Variants in SRL observed in about 807,000 individuals in gnomAD.
The protein encoded by SRL is sarcalumenin.
SRL carries 23 observed loss-of-function variants against 39.5 expected under a neutral mutation model. That is an observed-to-expected ratio of 0.58 (90% confidence interval 0.42 to 0.82). The LOEUF is 0.82. Ranked by LOEUF, SRL falls within the 40% of genes least tolerant of loss-of-function variation. The pLI is 0.00. For missense variants in SRL, 592 were observed against 607.8 expected (o/e 0.97, Z 0.27); for synonymous variants, 272 against 237.4 (o/e 1.15, Z -1.34).
chr16:4,207,821 G>T (rs745609727), intron 1 of SRL: 1 of 456,388 alleles, frequency 2.2e-6, no homozygotes, highest in Non-Finnish European at 4.4e-6. Flanking sequence ...GCCCCGCAGC[G>T]TCCCTGTCGT....
chr16:4,232,914 G>T (rs1003867311), intron 1 of SRL, among the ~76,000 whole-genome samples: 1 of 152,180 alleles, frequency 6.6e-6, no homozygotes, highest in Admixed American at 6.5e-5. Flanking sequence ...ATCCAGTGGT[G>T]GGGGGAGGCG....
intron 1 of SRL, chr16:4,208,227 C>T (rs1180928374): frequency 1.4e-5 from 5 of 357,892 alleles, no homozygotes; most frequent in Non-Finnish European, 2.7e-5. Context: ...TGCAGTGTTA[C>T]GCCCACCAAC....
chr16:4,220,306 C>CACAA (rs1217341795), intron 1 of SRL, among the ~76,000 whole-genome samples: 1 of 151,418 alleles, frequency 6.6e-6, no homozygotes. Context: ...CACACACACA[C>CACAA]ACAAATAACC....
chr16:4,217,752 C>T (rs1451105951), intron 1 of SRL, among the ~76,000 whole-genome samples: 8 of 152,248 alleles, frequency 5.3e-5, no homozygotes, highest in Non-Finnish European at 8.8e-5. Flanking sequence ...CAGCTATGAG[C>T]ATCATTCTTT....
chr16:4,199,889 G>A (rs1183621750), intron 3 of SRL, among the ~76,000 whole-genome samples: 1 of 151,838 alleles, frequency 6.6e-6, no homozygotes, highest in Non-Finnish European at 1.5e-5. Flanking sequence ...TAGAGATGGG[G>A]TTTTACCATG....
At position 4,192,322 on chromosome 16, in the gene SRL, T is replaced by G; in HGVS notation, c.1253A>C (p.Gln418Pro). ...GCAACCTCCCATGTAGGAGCACTGC[T>G]GGGAGAGCAGTTTGAAACTGGAAAT... ...NPISSFKLLS[Q>P]QCSYMGGCFL... Residue 418 changes from glutamine to proline, a missense_variant, in exon 6 of 6, where the codon CAG (glutamine) becomes CCG (proline). Physicochemically the swap from Gln to Pro is moderately conservative, Grantham distance 76. Transcript: ENST00000399609. This position sits in a 1 kb window ranked among gnomAD's most constrained non-coding sequence, Gnocchi z 4.0. 1 of 1,614,176 alleles carries G rather than the reference T, an allele frequency of 6.2e-7. No individual in the cohort carries two copies. The highest frequency in any genetic ancestry group is 8.5e-7 in the Non-Finnish European group (1 of 1,180,032).
intron 2 of SRL, 75 bp downstream of exon 2, chr16:4,204,458 G>A (rs970703314): frequency 7.3e-6 from 7 of 963,110 alleles, no homozygotes; most frequent in Non-Finnish European, 1.0e-5. Context: ...TGGCTCTCAG[G>A]AGCCTCCAGG....
At chr16:4,193,372 AG>A (rs1405860167) in intron 5 of SRL, among the ~76,000 whole-genome samples, 1 of 152,238 alleles carries the variant, frequency 6.6e-6, no homozygotes, top group African/African-American at 2.4e-5. Context: ...CAAGTTTCCA[AG>A]AAAGCTAAAT....
chr16:4,207,903 C>A (rs1425562661), intron 1 of SRL: 1 of 456,672 alleles, frequency 2.2e-6, no homozygotes, highest in Non-Finnish European at 4.4e-6. Flanking sequence ...GGGGCCCGCG[C>A]TGGCGGCAGA....
chr16:4,198,192 G>A (rs115877402), intron 3 of SRL, among the ~76,000 whole-genome samples: 159 of 152,300 alleles, frequency 1.0e-3, no homozygotes, highest in African/African-American at 3.6e-3. Context: ...CCCTGACTCC[G>A]AACTCACTCT....
chr16:4,222,194 T>G (rs9923289), intron 1 of SRL, among the ~76,000 whole-genome samples: 44,468 of 151,998 alleles, frequency 0.29, 6,946 homozygotes, highest in Middle Eastern at 0.48. Flanking sequence ...CAGCTTTGAG[T>G]CCCATCCCTT....
chr16:4,214,804 G>T (rs2052436542), intron 1 of SRL, among the ~76,000 whole-genome samples: 1 of 147,508 alleles, frequency 6.8e-6, no homozygotes, highest in African/African-American at 2.5e-5. Flanking sequence ...GTCTCATTCT[G>T]TCGCCCAGGG....
Position 4,190,369 on chromosome 16 carries a change from T to C in SRL, c.*1784A>G. 5.0e-6 allele frequency: 2 copies of C among 398,796 alleles called. No homozygotes were observed. Among genetic ancestry groups the C allele is most frequent in the Non-Finnish European group, 8.8e-6 (2 of 226,182 alleles). 24.7% of individuals were successfully genotyped at this position (398,796 alleles called of 1,614,324 possible). ...TGCTGAGCTGGTGCATCCTGACTCCTGCCTCGTGGGTAAGGCCCCCAGGAC... is the reference window on the plus strand; with the variant it reads ...TGCTGAGCTGGTGCATCCTGACTCCCGCCTCGTGGGTAAGGCCCCCAGGAC... On this transcript the variant is annotated 3_prime_UTR_variant, in exon 6 of 6. Transcript: ENST00000399609.
At chr16:4,207,743 C>T (rs996747765) in intron 1 of SRL, 4 of 422,878 alleles carry the variant, frequency 9.5e-6, no homozygotes, top group African/African-American at 6.2e-5. Flanking sequence ...ACTCCTCTTC[C>T]ACAGGCCCCT....
At chr16:4,207,611 T>C (rs938821329) in intron 1 of SRL, 2 of 443,322 alleles carry the variant, frequency 4.5e-6, no homozygotes, top group African/African-American at 4.0e-5. Flanking sequence ...CCTCCTGGAC[T>C]TCCTCGGGGA....
intron 1 of SRL, among the ~76,000 whole-genome samples, chr16:4,212,519 G>T (rs1404832589): frequency 6.6e-6 from 1 of 152,166 alleles, no homozygotes; most frequent in Non-Finnish European, 1.5e-5. Flanking sequence ...TGGCCCTGGA[G>T]CAGGGAGGCC....
chr16:4,190,679 G>A lies in SRL; in HGVS notation c.*1474C>T. ...CATATTCACACTTATTGGTATTGAA[G>A]GCCCTGGCTTTCCTGCGGTGTGTTC... is the stretch of plus-strand genomic sequence containing the variant. On this transcript the variant is annotated 3_prime_UTR_variant, in exon 6 of 6. Transcript: ENST00000399609. 1 of 391,288 alleles carries A rather than the reference G, an allele frequency of 2.6e-6. No homozygotes were observed. The highest frequency in any genetic ancestry group is 4.5e-6 in the Non-Finnish European group (1 of 221,610). 24.2% of individuals were successfully genotyped at this position (391,288 alleles called of 1,614,324 possible).
chr16:4,196,469 T>G (rs1275870189), intron 4 of SRL, among the ~76,000 whole-genome samples: 1 of 139,938 alleles, frequency 7.1e-6, no homozygotes, highest in Non-Finnish European at 1.5e-5. Flanking sequence ...TGATTTTGCC[T>G]TCTTTTTTTT....
intron 1 of SRL, among the ~76,000 whole-genome samples, chr16:4,205,658 T>C (rs2052309302): frequency 6.6e-6 from 1 of 152,060 alleles, no homozygotes; most frequent in Admixed American, 6.6e-5. Context: ...AGAAGGGGTG[T>C]CTGGCTGCAG....
Sources: gnomAD v4.1 joint callset for allele counts (sites outside exome capture counted in the v4.1 genomes callset) on GRCh38, gnomAD v4.1.1 for gene constraint, Gnocchi (gnomAD v3.1) non-coding constraint, MANE v1.5 for transcripts, NCBI Gene and HGNC (gene_info 2026-07-23, HGNC 2026-07-21) for gene names.